The following NRXN3 variants were observed in gnomAD, a reference collection of about 807,000 sequenced individuals.
The protein encoded by NRXN3 is neurexin 3, also known as neurexin III.
NRXN3 carries 32 observed loss-of-function variants against 137.6 expected under a neutral mutation model. The ratio of observed to expected loss-of-function variants is 0.23; its 90% CI spans 0.18 to 0.31. The LOEUF (loss-of-function observed/expected upper bound fraction) is 0.31. NRXN3 is among the 10% of genes least tolerant of loss of function. The pLI is 1.00. For missense variants in NRXN3, 1,574 were observed against 2,062.5 expected (o/e 0.76, Z 4.59); for synonymous variants, 798 against 784.5 (o/e 1.02, Z -0.29).
chr14:78,934,013 T>G (rs946748421), intron 10 of NRXN3, among the ~76,000 whole-genome samples: 11 of 151,650 alleles, frequency 7.3e-5, no homozygotes, highest in African/African-American at 2.7e-4. Flanking sequence ...TTTGTTGAAA[T>G]ATACTGAAGC....
chr14:78,340,966 A>T (rs1054287070), intron 4 of NRXN3, among the ~76,000 whole-genome samples: 1 of 152,238 alleles, frequency 6.6e-6, no homozygotes, highest in African/African-American at 2.4e-5. Flanking sequence ...GCAAATAAAA[A>T]TATAGGACAC....
chr14:78,851,563 A>G (rs1342953600), intron 10 of NRXN3, among the ~76,000 whole-genome samples: 2 of 152,186 alleles, frequency 1.3e-5, no homozygotes, highest in Non-Finnish European at 2.9e-5. Context: ...ACTTTCAGCA[A>G]GAAGGAGCAA....
At chr14:78,228,888 A>T (rs140370062) in intron 1 of NRXN3, among the ~76,000 whole-genome samples, 237 of 152,346 alleles carry the variant, frequency 1.6e-3, no homozygotes, top group African/African-American at 5.3e-3. Context: ...TGTGTCCCCC[A>T]AATGAGTATT....
chr14:78,767,131 G>A (rs2098711655), intron 8 of NRXN3, among the ~76,000 whole-genome samples: 2 of 152,280 alleles, frequency 1.3e-5, no homozygotes, highest in South Asian at 4.1e-4. Flanking sequence ...ATGCAATCAA[G>A]CACAGGGTTG....
intron 10 of NRXN3, among the ~76,000 whole-genome samples, chr14:78,948,244 A>G (rs2099372372): frequency 6.6e-6 from 1 of 152,220 alleles, no homozygotes; most frequent in African/African-American, 2.4e-5. Context: ...GGGAGAGATG[A>G]AGGTGTTGCC....
At chr14:79,275,811 T>A (rs986539428) in intron 15 of NRXN3, among the ~76,000 whole-genome samples, 16 of 152,124 alleles carry the variant, frequency 1.1e-4, no homozygotes, top group African/African-American at 2.7e-4. Flanking sequence ...AGGGGTTTTT[T>A]AAAATTGTAT....
At chr14:79,051,098 T>A (rs1242194285) in intron 15 of NRXN3, among the ~76,000 whole-genome samples, 2 of 152,176 alleles carry the variant, frequency 1.3e-5, no homozygotes, top group Non-Finnish European at 2.9e-5. Context: ...CCCCACATAA[T>A]GCAGTTTGCT....
At chr14:79,468,572 G>A (rs903838307) in intron 16 of NRXN3, among the ~76,000 whole-genome samples, 2 of 152,240 alleles carry the variant, frequency 1.3e-5, no homozygotes, top group Non-Finnish European at 2.9e-5. Flanking sequence ...TTTTGCTAAT[G>A]TGCAGGTGTA....
chr14:78,321,644 A>G (rs1243570556), intron 4 of NRXN3, among the ~76,000 whole-genome samples: 1 of 152,062 alleles, frequency 6.6e-6, no homozygotes, highest in Non-Finnish European at 1.5e-5. Flanking sequence ...TTCTGTCTTC[A>G]GTCATCAAGG....
intron 15 of NRXN3, among the ~76,000 whole-genome samples, chr14:79,245,843 C>G (rs746414911): frequency 6.6e-6 from 1 of 152,048 alleles, no homozygotes; most frequent in Non-Finnish European, 1.5e-5. Context: ...TACTGTTCAT[C>G]ACACAGAAAC....
At chr14:78,738,468 C>T (rs1182278487) in intron 8 of NRXN3, among the ~76,000 whole-genome samples, 1 of 152,154 alleles carries the variant, frequency 6.6e-6, no homozygotes, top group African/African-American at 2.4e-5. Flanking sequence ...TCTCAGACCC[C>T]ACCCTCAGGA....
chr14:78,799,343 A>G (rs2113572), intron 8 of NRXN3, among the ~76,000 whole-genome samples: 145,446 of 152,290 alleles, frequency 0.96, 69,798 homozygotes, highest in East Asian at 1. Context: ...CTGCCAGTCT[A>G]TTTGCTAAAA....
At chr14:78,941,310 T>G (rs1172182655) in intron 10 of NRXN3, among the ~76,000 whole-genome samples, 1 of 152,184 alleles carries the variant, frequency 6.6e-6, no homozygotes, top group Admixed American at 6.5e-5. Flanking sequence ...ATAAGCTCAC[T>G]GTATAATCAA....
chr14:79,115,845 C>G (rs1393362243), intron 15 of NRXN3, among the ~76,000 whole-genome samples: 1 of 152,186 alleles, frequency 6.6e-6, no homozygotes, highest in African/African-American at 2.4e-5. Context: ...TACTGGTACT[C>G]ATAGTAAATC....
intron 4 of NRXN3, among the ~76,000 whole-genome samples, chr14:78,342,050 T>C (rs2082205420): frequency 6.6e-6 from 1 of 152,214 alleles, no homozygotes; most frequent in African/African-American, 2.4e-5. Flanking sequence ...GTGAACAAGA[T>C]GTTGCTTTAT....
intron 15 of NRXN3, among the ~76,000 whole-genome samples, chr14:79,148,601 C>G (rs1332520750): frequency 6.6e-6 from 1 of 152,132 alleles, no homozygotes; most frequent in Non-Finnish European, 1.5e-5. Context: ...CACTGCCTTC[C>G]TTTGTGGACA....
chr14:79,628,236 C>T (rs886382280), intron 16 of NRXN3, among the ~76,000 whole-genome samples: 8 of 152,156 alleles, frequency 5.3e-5, no homozygotes, highest in Non-Finnish European at 1.2e-4. Flanking sequence ...TCATCCTCCT[C>T]CCTCCTTCTT....
chr14:79,243,961 A>G (rs1282874298), intron 15 of NRXN3, among the ~76,000 whole-genome samples: 1 of 152,148 alleles, frequency 6.6e-6, no homozygotes, highest in Non-Finnish European at 1.5e-5. Flanking sequence ...CCACACTATC[A>G]TTAACTACGG....
intron 2 of NRXN3, among the ~76,000 whole-genome samples, chr14:78,262,241 G>A (rs2070863204): frequency 6.6e-6 from 1 of 152,162 alleles, no homozygotes; most frequent in African/African-American, 2.4e-5. Context: ...GAGTATGGTT[G>A]ATGGGTAGTG....
Sources: gnomAD v4.1 joint callset for allele counts (sites outside exome capture counted in the v4.1 genomes callset) on GRCh38, gnomAD v4.1.1 for gene constraint, MANE v1.5 for transcripts, NCBI Gene and HGNC (gene_info 2026-07-23, HGNC 2026-07-21) for gene names.